Variants in PTPN14 observed in about 807,000 individuals in gnomAD.
The protein encoded by PTPN14 is protein tyrosine phosphatase non-receptor type 14.
Under a neutral mutation model 126.8 loss-of-function variants are expected in PTPN14, and 53 were observed. The ratio of observed to expected loss-of-function variants is 0.42; its 90% CI spans 0.34 to 0.53. The LOEUF (loss-of-function observed/expected upper bound fraction) is 0.53, where lower values mean the gene tolerates loss of function less well. PTPN14 is among the 20% of genes least tolerant of loss of function. The probability of loss-of-function intolerance (pLI) is 0.08; values close to 1 mark genes in which losing one functional copy is unlikely to be tolerated. For missense variants in PTPN14, 1,257 were observed against 1,552.9 expected (o/e 0.81, Z 3.20); for synonymous variants, 630 against 599.3 (o/e 1.05, Z -0.75).
In PTPN14 at chr1:214,350,533, C is replaced by CTTTTT. The variant is rs146640564; in HGVS notation, c.*7384_*7388dup. The CTTTTT allele has an allele frequency of 8.8e-5, 5 of 57,012 alleles. No homozygotes were observed. Among genetic ancestry groups the CTTTTT allele is most frequent in the African/African-American group, 2.1e-4 (3 of 14,408 alleles). 3.5% of individuals were successfully genotyped at this position (57,012 alleles called of 1,614,324 possible). On this transcript the variant is annotated 3_prime_UTR_variant, in exon 19 of 19. Coordinates refer to ENST00000366956, the MANE Select transcript of PTPN14 (RefSeq NM_005401.5). ...TTCTGGTTATTTTCATCCGCCAGAT[C>CTTTTT]TTTTTTTTTTTTTTTTTTTTTTTTT...
intron 1 of PTPN14, among the ~76,000 whole-genome samples, chr1:214,487,105 C>G (rs1448125288): frequency 6.6e-6 from 1 of 152,100 alleles, no homozygotes; most frequent in Non-Finnish European, 1.5e-5. Context: ...CTTCTTTTAA[C>G]CCAATTCCTA....
At chr1:214,439,531 C>T (rs1284423185) in intron 3 of PTPN14, among the ~76,000 whole-genome samples, 1 of 152,168 alleles carries the variant, frequency 6.6e-6, no homozygotes, top group East Asian at 1.9e-4. Context: ...CATTTTTATG[C>T]TGGCAGCAAA....
intron 6 of PTPN14, among the ~76,000 whole-genome samples, chr1:214,401,998 T>A (rs551220263): frequency 6.6e-6 from 1 of 152,228 alleles, no homozygotes; most frequent in Non-Finnish European, 1.5e-5. Flanking sequence ...AGTATTTAAT[T>A]AAGAGCCACA....
At chr1:214,441,066 G>A (rs931162298) in intron 3 of PTPN14, among the ~76,000 whole-genome samples, 1 of 152,244 alleles carries the variant, frequency 6.6e-6, no homozygotes, top group South Asian at 2.1e-4. Flanking sequence ...AGGCATGAAC[G>A]GATGTATTTC....
chr1:214,360,741 C>T (rs542488779), intron 18 of PTPN14, among the ~76,000 whole-genome samples: 4 of 152,238 alleles, frequency 2.6e-5, no homozygotes, highest in South Asian at 2.1e-4. Context: ...GAAGTGGGCA[C>T]ATTACTTCAT....
At chr1:214,507,119 A>G (rs1284500057) in intron 1 of PTPN14, among the ~76,000 whole-genome samples, 1 of 152,232 alleles carries the variant, frequency 6.6e-6, no homozygotes, top group Non-Finnish European at 1.5e-5. Flanking sequence ...AAAAGAAAAA[A>G]AAACTTCACA....
intron 1 of PTPN14, among the ~76,000 whole-genome samples, chr1:214,497,143 A>G (rs1222947544): frequency 6.6e-6 from 1 of 152,126 alleles, no homozygotes; most frequent in Non-Finnish European, 1.5e-5. Flanking sequence ...GGAAGAAATA[A>G]AGAAAGAAAA....
At chr1:214,462,813 G>A (rs1165172758) in intron 2 of PTPN14, among the ~76,000 whole-genome samples, 2 of 152,120 alleles carry the variant, frequency 1.3e-5, no homozygotes, top group East Asian at 1.9e-4. Flanking sequence ...CTAAAAAAGT[G>A]CCTGGCACAA....
intron 17 of PTPN14, among the ~76,000 whole-genome samples, chr1:214,366,668 T>C (rs2102513367): frequency 6.6e-6 from 1 of 152,288 alleles, no homozygotes; most frequent in African/African-American, 2.4e-5. Flanking sequence ...AATACGTGTA[T>C]TGACTTTCCT....
intron 1 of PTPN14, among the ~76,000 whole-genome samples, chr1:214,526,015 G>A (rs1655384804): frequency 6.6e-6 from 1 of 150,456 alleles, no homozygotes; most frequent in Non-Finnish European, 1.5e-5. Flanking sequence ...ACCCAGGCTG[G>A]AGTGCAGTGG....
Position 214,354,613 on chromosome 1 carries a change from C to G in PTPN14, c.*3309G>C, listed in dbSNP as rs1657773723. ...TCAAGGATGAAGACATCAAATTCAG[C>G]CCCCATGATTCAGGGACCACAGTAA... is the stretch of plus-strand genomic sequence containing the variant. On this transcript the variant is annotated 3_prime_UTR_variant, in exon 19 of 19. Coordinates refer to ENST00000366956, the MANE Select transcript of PTPN14 (RefSeq NM_005401.5). The G allele has an allele frequency of 6.6e-6, 1 of 152,210 alleles. No homozygotes were observed. The highest frequency in any genetic ancestry group is 2.4e-5 in the African/African-American group (1 of 41,446). The allele number at this position is 152,210 out of a possible 1,614,324, so 9.4% of individuals were successfully genotyped here. A position where few individuals can be genotyped will look rare whatever the true frequency, so the allele number is the denominator to read the frequency against.
chr1:214,526,181 G>A (rs1206963531), intron 1 of PTPN14, among the ~76,000 whole-genome samples: 7 of 151,980 alleles, frequency 4.6e-5, no homozygotes, highest in Non-Finnish European at 1.0e-4. Flanking sequence ...GGCCAGGCTG[G>A]TCTCGAACTC....
In PTPN14 at chr1:214,509,261, G is replaced by A. The variant is rs140015943; in HGVS notation, c.-155+41922C>T. Among the ~76,000 whole-genome samples the A allele has an allele frequency of 8.3e-3, 1,257 of 152,330 alleles. 16 individuals carry two copies. The highest frequency in any genetic ancestry group is 0.029 in the African/African-American group (1,189 of 41,568). ...GTAGCCACCTTCATCAGTGATCTTA[G>A]CTAGATCTTCTGGATAACTTGCTGC... On this transcript the variant is annotated intron_variant, in intron 1 of 18. Coordinates refer to ENST00000366956, the MANE Select transcript of PTPN14 (RefSeq NM_005401.5).
In PTPN14 at chr1:214,384,073, G is replaced by T; in HGVS notation, c.1782C>A (p.Ser594Arg). ...GCACCTTCCGGGTCACCAGGTCCGG[G>T]CTGCTGCCGCTGACGTACTTGTGGC... ...SHRHKYVSGS[S>R]PDLVTRKVQL... is the part of the protein sequence containing the mutation. Residue 594 changes from serine (S) to arginine (R), a missense_variant, in exon 13 of 19, where the codon AGC becomes AGA. Transcript: ENST00000366956. The surrounding 1 kb of genome is among the most constrained non-coding windows in gnomAD (Gnocchi z 5.3). 1 of 1,576,562 alleles carries T rather than the reference G, an allele frequency of 6.3e-7. No homozygotes were observed. Among genetic ancestry groups the T allele is most frequent in the Non-Finnish European group, 8.6e-7 (1 of 1,164,144 alleles).
At chr1:214,427,948 G>A (rs1329215361) in intron 3 of PTPN14, among the ~76,000 whole-genome samples, 4 of 152,176 alleles carry the variant, frequency 2.6e-5, no homozygotes, top group South Asian at 2.1e-4. Flanking sequence ...AGGATGAATC[G>A]TTGGGCTGAC....
chr1:214,481,511 CAAAAAAAAAAA>C (rs371949252), intron 1 of PTPN14, among the ~76,000 whole-genome samples: 1 of 67,456 alleles, frequency 1.5e-5, no homozygotes. Flanking sequence ...AACTCCCGCT[CAAAAAAAAAAA>C]AAAAAAAAAG....
chr1:214,440,578 G>C (rs1340843934), intron 3 of PTPN14, among the ~76,000 whole-genome samples: 2 of 152,144 alleles, frequency 1.3e-5, no homozygotes, highest in South Asian at 2.1e-4. Flanking sequence ...TGAGCACTTA[G>C]GGAAGTTATA....
At chr1:214,387,144 G>T (rs1045497101) in intron 11 of PTPN14, among the ~76,000 whole-genome samples, 10 of 152,200 alleles carry the variant, frequency 6.6e-5, no homozygotes, top group Non-Finnish European at 1.3e-4. Flanking sequence ...AATGAAGTTG[G>T]TTCAAGATCA....
chr1:214,546,079 T>C (rs1242461895), intron 1 of PTPN14, among the ~76,000 whole-genome samples: 1 of 152,178 alleles, frequency 6.6e-6, no homozygotes, highest in Non-Finnish European at 1.5e-5. Context: ...AGTGAAAAAG[T>C]GACCACCATA....
Sources: allele counts gnomAD v4.1 joint callset (sites outside exome capture counted in the v4.1 genomes callset), GRCh38; gene constraint gnomAD v4.1.1; non-coding constraint Gnocchi (gnomAD v3.1); transcripts MANE v1.5; gene names NCBI Gene and HGNC (gene_info 2026-07-23, HGNC 2026-07-21).